Variants in PIP4K2A observed in about 807,000 individuals in gnomAD.
PIP4K2A encodes phosphatidylinositol 5-phosphate 4-kinase type-2 alpha.
PIP4K2A carries 14 observed loss-of-function variants against 42.9 expected under a neutral mutation model. That is an observed-to-expected ratio of 0.33 (90% CI 0.22 to 0.51). The LOEUF (loss-of-function observed/expected upper bound fraction) is 0.51. PIP4K2A is among the 20% of genes least tolerant of loss of function. The probability of loss-of-function intolerance (pLI) is 0.97; values close to 1 mark genes in which losing one functional copy is unlikely to be tolerated. For synonymous variants in PIP4K2A, 192 were observed against 192.2 expected (o/e 1.00, Z 0.01); for missense variants, 434 against 519.8 (o/e 0.83, Z 1.61).
chr10:22,675,669 A>G (rs1042077487), intron 1 of PIP4K2A, among the ~76,000 whole-genome samples: 1 of 152,196 alleles, frequency 6.6e-6, no homozygotes, highest in Non-Finnish European at 1.5e-5. Flanking sequence ...ATAAGTAATG[A>G]AAAGACTCTC....
At chr10:22,582,907 A>AG (rs1170114257) in intron 4 of PIP4K2A, among the ~76,000 whole-genome samples, 5 of 151,808 alleles carry the variant, frequency 3.3e-5, no homozygotes, top group Admixed American at 1.3e-4. Context: ...AAAAAAAAAA[A>AG]AAAAAGTAAG....
chr10:22,640,029 T>G, intron 1 of PIP4K2A, among the ~76,000 whole-genome samples: 1 of 137,290 alleles, frequency 7.3e-6, no homozygotes, highest in East Asian at 1.9e-4. Context: ...TTTTTTTTTT[T>G]TTTTTTTTTT....
chr10:22,579,034 C>T (rs1249155005), intron 4 of PIP4K2A, among the ~76,000 whole-genome samples: 1 of 151,776 alleles, frequency 6.6e-6, no homozygotes, highest in Non-Finnish European at 1.5e-5. Context: ...ATTTTTCTCA[C>T]GATGGCCACG....
rs1261376236 is a variant in PIP4K2A, at chr10:22,536,176, T to C, written c.*1025A>G. The C allele has an allele frequency of 2.5e-6, 1 of 398,546 alleles. No individual in the cohort carries two copies. Among genetic ancestry groups the C allele is most frequent in the East Asian group, 3.6e-5 (1 of 28,042 alleles). The allele number at this position is 398,546 out of a possible 1,614,324, so 24.7% of individuals were successfully genotyped here. ...CCATTGTTGAAACAATGGTCAAACA[T>C]AAACATCTTATAATTCAGATCTGCA... On this transcript the variant is annotated 3_prime_UTR_variant, in exon 10 of 10. Coordinates refer to ENST00000376573, the MANE Select transcript of PIP4K2A (RefSeq NM_005028.5).
intron 1 of PIP4K2A, among the ~76,000 whole-genome samples, chr10:22,657,319 A>G (rs1395669686): frequency 6.6e-6 from 1 of 152,234 alleles, no homozygotes; most frequent in African/African-American, 2.4e-5. Context: ...GAATAACCCC[A>G]AAGCACTTAA....
rs914862532 is a variant in PIP4K2A at position 22,536,963 on chromosome 10, CCCCA to C, written c.*234_*237del. The stretch of plus-strand genomic sequence containing the variant: ...CACACGCGCGCACACACTCACCCCC[CCCCA>C]ACACACACACACACACATATACACA... On this transcript the variant is annotated 3_prime_UTR_variant, in exon 10 of 10. Coordinates refer to ENST00000376573, the MANE Select transcript of PIP4K2A (RefSeq NM_005028.5). 10 of 304,038 alleles carry C rather than the reference CCCCA, an allele frequency of 3.3e-5. No individual in the cohort carries two copies. In the African/African-American group the frequency reaches 3.5e-4, roughly 11 times the overall value. The allele number at this position is 304,038 out of a possible 1,614,324, so 18.8% of individuals were successfully genotyped here. A position where few individuals can be genotyped will look rare whatever the true frequency, so the allele number is the denominator to read the frequency against.
intron 1 of PIP4K2A, among the ~76,000 whole-genome samples, chr10:22,646,644 C>T (rs570369230): frequency 9.2e-5 from 14 of 152,290 alleles, no homozygotes; most frequent in South Asian, 6.2e-4. Flanking sequence ...GAGTAAAAGC[C>T]ACAGTATACA....
chr10:22,536,275 C>A lies in PIP4K2A; in HGVS notation c.*926G>T, dbSNP rs2130727422. Reference sequence around the variant, plus strand: ...CAGTGGGAGATGTAGATACCATTGCCCCAAACTATGCACTTTTCAGGTAAG... The same window carrying A: ...CAGTGGGAGATGTAGATACCATTGCACCAAACTATGCACTTTTCAGGTAAG... On this transcript the variant is annotated 3_prime_UTR_variant, in exon 10 of 10. Coordinates refer to ENST00000376573, the MANE Select transcript of PIP4K2A (RefSeq NM_005028.5). 2.5e-6 allele frequency: 1 copy of A among 396,356 alleles called. No homozygotes were observed. The highest frequency in any genetic ancestry group is 3.6e-5 in the East Asian group (1 of 27,958). 24.6% of individuals were successfully genotyped at this position (396,356 alleles called of 1,614,324 possible). A position where few individuals can be genotyped will look rare whatever the true frequency, so the allele number is the denominator to read the frequency against.
At chr10:22,643,562 T>C (rs1409395) in intron 1 of PIP4K2A, among the ~76,000 whole-genome samples, 38,013 of 151,994 alleles carry the variant, frequency 0.25, 5,152 homozygotes, top group Non-Finnish European at 0.31. Context: ...CCTGACCCAG[T>C]TGACCTGAAC....
intron 6 of PIP4K2A, chr10:22,567,565 G>A (rs1836874570): frequency 3.0e-6 from 2 of 656,976 alleles, no homozygotes; most frequent in African/African-American, 1.8e-5. Flanking sequence ...TCGATTATAG[G>A]TTTACTGCAC....
chr10:22,698,081 G>T (rs899111605), intron 1 of PIP4K2A, among the ~76,000 whole-genome samples: 5 of 152,166 alleles, frequency 3.3e-5, no homozygotes, highest in African/African-American at 9.7e-5. Context: ...AGAAAAACTG[G>T]GAGAAGTGGG....
At position 22,567,782 on chromosome 10, in the gene PIP4K2A, G is replaced by A. The variant is rs114067052; in HGVS notation, c.678+69C>T. 1.1e-3 allele frequency: 1,426 copies of A among 1,291,186 alleles called. 13 individuals are homozygous for A. The African/African-American group carries it at 0.018, about 16-fold the overall frequency. 80.0% of individuals were successfully genotyped at this position (1,291,186 alleles called of 1,614,324 possible). On this transcript the variant is annotated intron_variant, in intron 6 of 9. Transcript: ENST00000376573. The stretch of plus-strand genomic sequence containing the variant: ...GCAGGGGTGGGAGACTAGAAATAAA[G>A]AGTAAAGGTGATTGGGAGTATGTGA...
intron 1 of PIP4K2A, among the ~76,000 whole-genome samples, chr10:22,657,330 G>C (rs952737494): frequency 1.3e-5 from 2 of 152,186 alleles, no homozygotes; most frequent in South Asian, 2.1e-4. Flanking sequence ...AAGCACTTAA[G>C]ATAATGAATG....
intron 1 of PIP4K2A, among the ~76,000 whole-genome samples, chr10:22,663,676 C>G (rs1014515762): frequency 6.6e-6 from 1 of 151,998 alleles, no homozygotes; most frequent in African/African-American, 2.4e-5. Flanking sequence ...TTCTTCTAGA[C>G]ATTTTTCTAT....
chr10:22,582,655 A>T (rs1477198485), intron 4 of PIP4K2A, among the ~76,000 whole-genome samples: 1 of 152,166 alleles, frequency 6.6e-6, no homozygotes, highest in Non-Finnish European at 1.5e-5. Flanking sequence ...GGCTATGTTT[A>T]GAGATTATTC....
At chr10:22,679,048 T>C (rs755935092) in intron 1 of PIP4K2A, among the ~76,000 whole-genome samples, 3 of 152,230 alleles carry the variant, frequency 2.0e-5, no homozygotes, top group Non-Finnish European at 4.4e-5. Context: ...TTCTTGGATG[T>C]GACACCAACG....
At chr10:22,653,735 G>A (rs1052087196) in intron 1 of PIP4K2A, among the ~76,000 whole-genome samples, 41 of 152,204 alleles carry the variant, frequency 2.7e-4, no homozygotes, top group African/African-American at 8.9e-4. Context: ...CCGGCATGGC[G>A]AAATCCTGTC....
chr10:22,571,232 G>A (rs114604449), intron 5 of PIP4K2A, among the ~76,000 whole-genome samples: 38 of 152,208 alleles, frequency 2.5e-4, no homozygotes, highest in African/African-American at 9.1e-4. Context: ...TTTAGATCTG[G>A]GCATGTGACT....
intron 7 of PIP4K2A, among the ~76,000 whole-genome samples, chr10:22,546,846 C>T (rs1243021259): frequency 6.6e-6 from 1 of 152,176 alleles, no homozygotes; most frequent in Admixed American, 6.5e-5. Flanking sequence ...GCGGGGTCTG[C>T]TTCCGGCTCA....
Sources: allele counts gnomAD v4.1 joint callset (sites outside exome capture counted in the v4.1 genomes callset), GRCh38; gene constraint gnomAD v4.1.1; transcripts MANE v1.5; gene names NCBI Gene and HGNC (gene_info 2026-07-23, HGNC 2026-07-21).